The following LPP variants were observed in gnomAD, a reference collection of about 807,000 sequenced individuals.
LPP encodes LIM domain containing preferred translocation partner in lipoma, also known as lipoma-preferred partner.
LPP carries 38 observed loss-of-function variants against 60.4 expected under a neutral mutation model. That is an observed-to-expected ratio of 0.63 (90% CI 0.49 to 0.83). The LOEUF (loss-of-function observed/expected upper bound fraction) is 0.83, where lower values mean the gene tolerates loss of function less well. LPP is among the 40% of genes least tolerant of loss of function. The probability of loss-of-function intolerance (pLI) is 0.00; values close to 1 mark genes in which losing one functional copy is unlikely to be tolerated. For missense variants in LPP, 902 were observed against 783.6 expected, an observed-to-expected ratio of 1.15 and a Z score of -1.80; for synonymous variants, 328 against 290.8, an observed-to-expected ratio of 1.13 and a Z score of -1.30.
chr3:188,690,116 C>T (rs796149280), intron 7 of LPP, among the ~76,000 whole-genome samples: 9 of 152,260 alleles, frequency 5.9e-5, no homozygotes, highest in African/African-American at 2.2e-4. Context: ...CATCTTCATA[C>T]CTACCTTATA....
intron 6 of LPP, among the ~76,000 whole-genome samples, chr3:188,579,053 G>T (rs1449204039): frequency 6.6e-6 from 1 of 152,126 alleles, no homozygotes; most frequent in Non-Finnish European, 1.5e-5. Flanking sequence ...GGTAGTGGGA[G>T]ACTAAAAATA....
In LPP at chr3:188,887,820, G is replaced by A. The variant is rs922718889; in HGVS notation, c.*13341G>A. The stretch of plus-strand genomic sequence containing the variant: ...AGTAGTAGCAAAATTATTTTTAAAA[G>A]ACTTTCTTCCTTTTACTACCCATTT... On this transcript the variant is annotated 3_prime_UTR_variant, in exon 12 of 12. Transcript: ENST00000617246. The A allele has an allele frequency of 1.4e-5, 3 of 209,920 alleles. No individual in the cohort carries two copies. The highest frequency in any genetic ancestry group is 1.2e-4 in the Admixed American group (2 of 16,974). The allele number at this position is 209,920 out of a possible 1,614,324, so 13.0% of individuals were successfully genotyped here.
chr3:188,328,440 A>G (rs1002748963), intron 2 of LPP, among the ~76,000 whole-genome samples: 4 of 152,228 alleles, frequency 2.6e-5, no homozygotes, highest in African/African-American at 7.2e-5. Context: ...AAAGGTGTCA[A>G]GTGCACAGTA....
At chr3:188,617,810 G>C (rs1200266502) in intron 7 of LPP, among the ~76,000 whole-genome samples, 3 of 152,164 alleles carry the variant, frequency 2.0e-5, no homozygotes, top group Non-Finnish European at 4.4e-5. Flanking sequence ...TGTTTACAGA[G>C]TGAGAGAAAT....
chr3:188,598,078 T>G (rs893162429), intron 6 of LPP, among the ~76,000 whole-genome samples: 1 of 152,160 alleles, frequency 6.6e-6, no homozygotes, highest in African/African-American at 2.4e-5. Flanking sequence ...GAAGGATGAA[T>G]AACCAGTTAG....
At chr3:188,320,606 C>T (rs1341968884) in intron 2 of LPP, among the ~76,000 whole-genome samples, 1 of 152,184 alleles carries the variant, frequency 6.6e-6, no homozygotes, top group Non-Finnish European at 1.5e-5. Flanking sequence ...TGGATGTCAG[C>T]CATTCACTGT....
intron 2 of LPP, among the ~76,000 whole-genome samples, chr3:188,313,363 G>A (rs1273913969): frequency 4.0e-5 from 6 of 150,072 alleles, no homozygotes; most frequent in African/African-American, 1.2e-4. Context: ...GTTCTGGCTG[G>A]GCGTGGTGGC....
chr3:188,648,844 A>G (rs1373193495), intron 7 of LPP, among the ~76,000 whole-genome samples: 1 of 152,154 alleles, frequency 6.6e-6, no homozygotes, highest in South Asian at 2.1e-4. Flanking sequence ...AGTTTGGGCC[A>G]GCATGTTGCT....
In LPP at chr3:188,572,340, G is replaced by T. The variant is rs940795514; in HGVS notation, c.430-36821G>T. ...AATTTTTGTTTCCGGTTTTGTAATA[G>T]CTAATGGTGTATTTTATAATCAGTA... On this transcript the variant is annotated intron_variant, in intron 6 of 11. Coordinates refer to ENST00000617246, the MANE Select transcript of LPP (RefSeq NM_001375462.1). This position sits in a 1 kb window ranked among gnomAD's most constrained non-coding sequence, Gnocchi z 4.1. Among the ~76,000 whole-genome samples the T allele has an allele frequency of 6.6e-6, 1 of 152,050 alleles. No individual in the cohort carries two copies. Among genetic ancestry groups the T allele is most frequent in the African/African-American group, 2.4e-5 (1 of 41,408 alleles).
At chr3:188,712,980 AT>A (rs1305029067) in intron 8 of LPP, 2 of 151,940 alleles carry the variant, frequency 1.3e-5, no homozygotes, top group Non-Finnish European at 1.5e-5. Context: ...TTTTATTTAT[AT>A]TGAATTATAA....
intron 2 of LPP, among the ~76,000 whole-genome samples, chr3:188,302,680 G>A (rs1352319287): frequency 1.3e-5 from 2 of 152,200 alleles, no homozygotes; most frequent in Admixed American, 1.3e-4. Context: ...ACAAACCAAT[G>A]AAATGCAGTA....
intron 3 of LPP, among the ~76,000 whole-genome samples, chr3:188,354,264 A>G (rs1461004093): frequency 1.3e-5 from 2 of 152,198 alleles, no homozygotes; most frequent in Admixed American, 6.5e-5. Context: ...GGCAAAGCTG[A>G]TCTGTAGTGA....
intron 4 of LPP, among the ~76,000 whole-genome samples, chr3:188,462,646 G>A (rs917307734): frequency 2.4e-5 from 2 of 84,986 alleles, no homozygotes; most frequent in African/African-American, 8.8e-5. Context: ...TACTTTTTTG[G>A]GTGTTTATTT....
intron 8 of LPP, among the ~76,000 whole-genome samples, chr3:188,739,351 A>T (rs1723620506): frequency 6.6e-6 from 1 of 152,078 alleles, no homozygotes; most frequent in South Asian, 2.1e-4. Context: ...AGAAGATAGC[A>T]TTTGAAATGG....
intron 3 of LPP, among the ~76,000 whole-genome samples, chr3:188,344,009 C>A (rs531647145): frequency 1.1e-3 from 166 of 152,310 alleles, no homozygotes; most frequent in Admixed American, 1.4e-3. Flanking sequence ...CATTTCCAAA[C>A]CAAATCTATT....
chr3:188,442,020 C>T (rs1794107486), intron 4 of LPP, among the ~76,000 whole-genome samples: 1 of 152,180 alleles, frequency 6.6e-6, no homozygotes, highest in Non-Finnish European at 1.5e-5. Context: ...ATCATTGTAT[C>T]TTAGGGGTCT....
intron 5 of LPP, among the ~76,000 whole-genome samples, chr3:188,493,725 G>T (rs1462188912): frequency 1.3e-5 from 2 of 152,148 alleles, no homozygotes; most frequent in African/African-American, 4.8e-5. Context: ...GTTTACAGGT[G>T]TGAGCCACTG....
intron 2 of LPP, among the ~76,000 whole-genome samples, chr3:188,292,903 A>G (rs1353968701): frequency 6.6e-6 from 1 of 152,156 alleles, no homozygotes; most frequent in Non-Finnish European, 1.5e-5. Flanking sequence ...GGTGTGATTT[A>G]TGCCCCCAGT....
intron 7 of LPP, among the ~76,000 whole-genome samples, chr3:188,639,266 A>C (rs1181021854): frequency 1.1e-4 from 16 of 151,610 alleles, no homozygotes; most frequent in African/African-American, 3.6e-4. Flanking sequence ...GCAATGGGGA[A>C]AGGATTCCCT....
Sources: gnomAD v4.1 joint callset for allele counts (sites outside exome capture counted in the v4.1 genomes callset) on GRCh38, gnomAD v4.1.1 for gene constraint, Gnocchi (gnomAD v3.1) non-coding constraint, MANE v1.5 for transcripts, NCBI Gene and HGNC (gene_info 2026-07-23, HGNC 2026-07-21) for gene names.